Variants in PIK3R6 observed in about 807,000 individuals in gnomAD.
PIK3R6 encodes the protein phosphoinositide 3-kinase regulatory subunit 6.
In PIK3R6, 91 loss-of-function variants were observed where a neutral mutation model predicts 84.9. That is an observed-to-expected ratio of 1.07 (90% CI 0.90 to 1.28). The LOEUF (loss-of-function observed/expected upper bound fraction) is 1.28, where lower values mean the gene tolerates loss of function less well. PIK3R6 is among the 50% of genes most tolerant of loss of function. The probability of loss-of-function intolerance (pLI) is 0.00; values close to 1 mark genes in which losing one functional copy is unlikely to be tolerated. For synonymous variants in PIK3R6, 416 were observed against 411.4 expected (o/e 1.01, Z -0.13); for missense variants, 996 against 985.1 (o/e 1.01, Z -0.15).
intron 9 of PIK3R6, among the ~76,000 whole-genome samples, chr17:8,831,576 C>T (rs868608204): frequency 6.6e-5 from 10 of 152,134 alleles, no homozygotes; most frequent in East Asian, 1.9e-4. Context: ...AGTAAAAGAG[C>T]GGACAACTTC....
At chr17:8,822,971 T>C (rs1567577522) in intron 15 of PIK3R6, 25 bp downstream of exon 15, 1 of 1,552,414 alleles carries the variant, frequency 6.4e-7, no homozygotes, top group Non-Finnish European at 8.9e-7. Flanking sequence ...GGGTGACCTT[T>C]GGCAAAAGGG....
chr17:8,840,009 T>A (rs573684203), intron 2 of PIK3R6, among the ~76,000 whole-genome samples: 1 of 152,064 alleles, frequency 6.6e-6, no homozygotes, highest in African/African-American at 2.4e-5. Flanking sequence ...TTTTAATGCA[T>A]GTTAGAAAAT....
In PIK3R6 at chr17:8,828,906, C is replaced by A; in HGVS notation, c.974G>T (p.Arg325Leu). 1 of 1,549,948 alleles carries A rather than the reference C, an allele frequency of 6.5e-7. No individual in the cohort carries two copies. Among genetic ancestry groups the A allele is most frequent in the Non-Finnish European group, 8.7e-7 (1 of 1,148,658 alleles). The change falls in exon 11 of 20, where the codon CGG becomes CTG. Residue 325 changes from arginine to leucine, a missense_variant. By Grantham distance (102) the Arg-to-Leu change is moderately radical (BLOSUM62 -2). Transcript: ENST00000619866. ...DLEVLDLQGLRPDRELARVSV... is the reference protein window; with the variant it reads ...DLEVLDLQGLLPDRELARVSV... ...AACCCGGGCCAACTCCCGGTCCGGC[C>A]GGAGGCCCTGCAGATCCAAGACCTC...
At chr17:8,824,345 G>T (rs1301010947) in intron 13 of PIK3R6, among the ~76,000 whole-genome samples, 1 of 152,174 alleles carries the variant, frequency 6.6e-6, no homozygotes, top group Non-Finnish European at 1.5e-5. Flanking sequence ...TCCTTCCCTG[G>T]TCCCATATGA....
At chr17:8,833,068 C>A (rs1395133190) in intron 8 of PIK3R6, 23 bp from the exon 9 acceptor site, 1 of 1,548,126 alleles carries the variant, frequency 6.5e-7, no homozygotes, top group South Asian at 1.2e-5. Context: ...GGCGTCAGAG[C>A]CTGGGTCTTG....
At chr17:8,829,510 TCATGCATACACACACACTGACACACG>T (rs1340708507) in intron 10 of PIK3R6, among the ~76,000 whole-genome samples, 170 bp downstream of exon 10, 9 of 61,710 alleles carry the variant, frequency 1.5e-4, no homozygotes, top group African/African-American at 6.7e-4. Flanking sequence ...TGACACACAC[TCATGCATACACACACACTGACACACG>T]CATGCACACA....
At chr17:8,857,508 C>T (rs564081710) in intron 1 of PIK3R6, among the ~76,000 whole-genome samples, 8 of 152,188 alleles carry the variant, frequency 5.3e-5, no homozygotes, top group African/African-American at 1.9e-4. Context: ...CTGTCTGGGG[C>T]GGCCTGGGTT....
At position 8,838,571 on chromosome 17, in the gene PIK3R6, A is replaced by G; in HGVS notation, c.182T>C (p.Leu61Pro). ...TGAGGTCCAGGAACTCACCTTCTCC[A>G]GTTCTCTGAGAAGAATGCGGACCAG... The part of the protein sequence containing the change: ...PVLVRILLRE[L>P]EKAESQDLRH... Residue 61 changes from leucine (L) to proline (P), a missense_variant, in exon 4 of 20, where the codon CTG becomes CCG. By Grantham distance (98) the Leu-to-Pro change is moderately conservative. Transcript: ENST00000619866. The G allele has an allele frequency of 6.3e-7, 1 of 1,599,178 alleles. No individual in the cohort carries two copies. The highest frequency in any genetic ancestry group is 8.5e-7 in the Non-Finnish European group (1 of 1,172,786).
At chr17:8,838,439 T>G (rs2088557286) in intron 4 of PIK3R6, 125 bp downstream of exon 4, 1 of 729,114 alleles carries the variant, frequency 1.4e-6, no homozygotes, top group South Asian at 1.8e-5. Flanking sequence ...GGGAGATGCA[T>G]ATGGTAAAAA....
At chr17:8,857,255 G>A (rs1349583081) in intron 1 of PIK3R6, among the ~76,000 whole-genome samples, 1 of 152,164 alleles carries the variant, frequency 6.6e-6, no homozygotes, top group Non-Finnish European at 1.5e-5. Flanking sequence ...AGCATCTAGG[G>A]CAGCAGCCAC....
At chr17:8,826,419 CAT>C (rs916865758) in intron 13 of PIK3R6, among the ~76,000 whole-genome samples, 51 of 152,264 alleles carry the variant, frequency 3.3e-4, no homozygotes, top group African/African-American at 1.2e-3. Context: ...AATTGTGGCA[CAT>C]ATACACCATG....
chr17:8,809,736 T>TA (rs2087300585), intron 18 of PIK3R6, among the ~76,000 whole-genome samples: 1 of 152,046 alleles, frequency 6.6e-6, no homozygotes, highest in African/African-American at 2.4e-5. Flanking sequence ...GTGGAATGGA[T>TA]AAGAAAAACA....
intron 8 of PIK3R6, among the ~76,000 whole-genome samples, chr17:8,833,339 G>A (rs1441294804): frequency 6.6e-6 from 1 of 152,214 alleles, no homozygotes; most frequent in Non-Finnish European, 1.5e-5. Flanking sequence ...TCCTGAAAGC[G>A]TCACCCAGCA....
chr17:8,830,319 C>A (rs570482227), intron 9 of PIK3R6, among the ~76,000 whole-genome samples: 206 of 152,346 alleles, frequency 1.4e-3, no homozygotes, highest in African/African-American at 4.7e-3. Flanking sequence ...AGGGGAGAGA[C>A]AAAGGACAGC....
intron 2 of PIK3R6, among the ~76,000 whole-genome samples, chr17:8,849,251 C>T (rs973184103): frequency 2.0e-5 from 3 of 152,318 alleles, no homozygotes; most frequent in South Asian, 2.1e-4. Context: ...GGCATTTTTG[C>T]GAAGCAATCC....
At chr17:8,804,237 T>C (rs1446032758) in intron 18 of PIK3R6, 84 bp from the exon 19 acceptor site, 4 of 1,159,726 alleles carry the variant, frequency 3.4e-6, no homozygotes, top group Non-Finnish European at 5.1e-6. Context: ...GAATCTGGTG[T>C]ATTTCTTCAG....
intron 9 of PIK3R6, 122 bp downstream of exon 9, chr17:8,832,767 C>T (rs2088294505): frequency 1.4e-6 from 2 of 1,477,330 alleles, no homozygotes; most frequent in African/African-American, 1.4e-5. Flanking sequence ...CCCCAGGCTC[C>T]TGGGAGTCGG....
chr17:8,827,072 A>T, intron 13 of PIK3R6, 100 bp downstream of exon 13: 1 of 1,395,432 alleles, frequency 7.2e-7, no homozygotes, highest in Non-Finnish European at 9.6e-7. Context: ...TCTCACCCCC[A>T]TTTCACCCTC....
At chr17:8,834,978 C>T (rs543605838) in intron 8 of PIK3R6, among the ~76,000 whole-genome samples, 1 of 152,190 alleles carries the variant, frequency 6.6e-6, no homozygotes, top group South Asian at 2.1e-4. Flanking sequence ...GCTAGGATTA[C>T]AGGTGCCCGC....
Sources: allele counts gnomAD v4.1 joint callset (sites outside exome capture counted in the v4.1 genomes callset), GRCh38; gene constraint gnomAD v4.1.1; transcripts MANE v1.5; gene names NCBI Gene and HGNC (gene_info 2026-07-23, HGNC 2026-07-21).